Variants in GRIK2 observed in about 807,000 individuals in gnomAD.
GRIK2 encodes the protein glutamate receptor ionotropic, kainate 2.
GRIK2 carries 32 observed loss-of-function variants against 100.3 expected under a neutral mutation model. The ratio of observed to expected loss-of-function variants is 0.32; its 90% CI spans 0.24 to 0.43. The LOEUF (loss-of-function observed/expected upper bound fraction) is 0.43. Ranked by LOEUF, GRIK2 falls within the 20% of genes least tolerant of loss-of-function variation. The pLI, the probability that GRIK2 is intolerant of heterozygous loss-of-function variation, is 1.00. For missense variants in GRIK2, 843 were observed against 1,114.9 expected (o/e 0.76, Z 3.47); for synonymous variants, 417 against 389.4 (o/e 1.07, Z -0.83).
In GRIK2 at chr6:101,830,618, C is replaced by T. The variant is rs115579154; in HGVS notation, c.1317+12135C>T. ...AACAAGCATATGAACAAATGCTCAGCATTACTAATCATCAGAGAAATGCAA... is the reference window on the plus strand; with the variant it reads ...AACAAGCATATGAACAAATGCTCAGTATTACTAATCATCAGAGAAATGCAA... On this transcript the variant is annotated intron_variant, in intron 10 of 16. Transcript: ENST00000369134. Among the ~76,000 whole-genome samples, 404 of 151,720 alleles carry T rather than the reference C, an allele frequency of 2.7e-3. 4 individuals are homozygous for T. The highest frequency in any genetic ancestry group is 9.3e-3 in the African/African-American group (386 of 41,416).
intron 14 of GRIK2, among the ~76,000 whole-genome samples, chr6:102,029,898 G>A (rs1037209782): frequency 9.9e-5 from 15 of 151,040 alleles, no homozygotes; most frequent in African/African-American, 1.5e-4. Flanking sequence ...CAATTCCTGC[G>A]TCTTTCCTGG....
intron 16 of GRIK2, among the ~76,000 whole-genome samples, chr6:102,058,909 G>C (rs1279272434): frequency 6.6e-6 from 1 of 151,228 alleles, no homozygotes; most frequent in Non-Finnish European, 1.5e-5. Context: ...AGCTGAATGT[G>C]AACTTTGTGA....
chr6:101,795,628 C>G (rs550720202), intron 7 of GRIK2, among the ~76,000 whole-genome samples: 1 of 152,200 alleles, frequency 6.6e-6, no homozygotes, highest in Non-Finnish European at 1.5e-5. Context: ...GTGGGACCAC[C>G]CTTGGACTCT....
chr6:101,831,602 A>G (rs961137578), intron 10 of GRIK2, among the ~76,000 whole-genome samples: 4 of 152,102 alleles, frequency 2.6e-5, no homozygotes, highest in African/African-American at 9.7e-5. Context: ...ATAAAATAAT[A>G]CTGTCCTGTC....
chr6:101,572,295 T>C (rs1777576800), intron 2 of GRIK2, among the ~76,000 whole-genome samples: 1 of 152,164 alleles, frequency 6.6e-6, no homozygotes, highest in African/African-American at 2.4e-5. Context: ...TTTATTTTTC[T>C]TATTTTTAAC....
chr6:101,749,881 C>T (rs898186888), intron 7 of GRIK2, among the ~76,000 whole-genome samples: 5 of 142,536 alleles, frequency 3.5e-5, no homozygotes, highest in South Asian at 4.5e-4. Flanking sequence ...GGCTCAATCT[C>T]GGCTCACCTC....
At chr6:101,738,089 A>G (rs1775771635) in intron 7 of GRIK2, among the ~76,000 whole-genome samples, 1 of 152,176 alleles carries the variant, frequency 6.6e-6, no homozygotes, top group African/African-American at 2.4e-5. Context: ...TTGGTATTAA[A>G]CCATTGTGAG....
intron 2 of GRIK2, among the ~76,000 whole-genome samples, chr6:101,586,892 CAAA>C (rs1199378638): frequency 6.1e-4 from 33 of 53,944 alleles, no homozygotes; most frequent in African/African-American, 1.9e-3. Flanking sequence ...TCTGTCTTAA[CAAA>C]AAAAAAAAAA....
At chr6:102,059,903 T>C (rs1291615038) in intron 16 of GRIK2, among the ~76,000 whole-genome samples, 1 of 150,376 alleles carries the variant, frequency 6.6e-6, no homozygotes, top group Non-Finnish European at 1.5e-5. Context: ...TGTCTGGATA[T>C]AAATTATTGA....
At chr6:101,722,364 C>T (rs1309744776) in intron 7 of GRIK2, among the ~76,000 whole-genome samples, 1 of 152,008 alleles carries the variant, frequency 6.6e-6, no homozygotes, top group African/African-American at 2.4e-5. Flanking sequence ...TTGAATTGTA[C>T]TAATTATGAT....
At chr6:101,895,863 T>A (rs1787406343) in intron 12 of GRIK2, among the ~76,000 whole-genome samples, 1 of 151,738 alleles carries the variant, frequency 6.6e-6, no homozygotes. Flanking sequence ...TACTGAAAAT[T>A]TAGTTTTAAA....
At chr6:101,879,829 G>A (rs1306940752) in intron 11 of GRIK2, among the ~76,000 whole-genome samples, 1 of 151,806 alleles carries the variant, frequency 6.6e-6, no homozygotes, top group African/African-American at 2.4e-5. Flanking sequence ...GACCACAGAA[G>A]TTCACTTTCA....
At position 101,682,561 on chromosome 6, in the gene GRIK2, T is replaced by G; in HGVS notation, c.732T>G (p.Ala244=). 1 of 1,321,194 alleles carries G rather than the reference T, an allele frequency of 7.6e-7. No homozygotes were observed. 81.8% of individuals were successfully genotyped at this position (1,321,194 alleles called of 1,614,324 possible). ...TTTTTTTTTTTCCTTAGGCATTAGC[T>G]ATGGGAATGATGACAGAATACTATC... is the stretch of plus-strand genomic sequence containing the variant. ...MAAGILKQAL[A]MGMMTEYYHY... Residue 244 remains alanine (A), a synonymous_variant, in exon 6 of 17, where the codon GCT becomes GCG. Coordinates refer to ENST00000369134, the MANE Select transcript of GRIK2 (RefSeq NM_021956.5).
intron 2 of GRIK2, among the ~76,000 whole-genome samples, chr6:101,612,716 ATGTGTG>A (rs139709674): frequency 0.064 from 9,216 of 143,372 alleles, 350 homozygotes; most frequent in Admixed American, 0.11. Context: ...GTATGTGTTA[ATGTGTG>A]TGTGTGTGTG....
chr6:101,676,108 T>A (rs1770819466), intron 4 of GRIK2, among the ~76,000 whole-genome samples: 1 of 152,186 alleles, frequency 6.6e-6, no homozygotes, highest in Non-Finnish European at 1.5e-5. Context: ...AAAACAATTA[T>A]TAATGTAAAA....
intron 1 of GRIK2, among the ~76,000 whole-genome samples, chr6:101,394,697 A>G (rs1774935512): frequency 6.6e-6 from 1 of 152,248 alleles, no homozygotes; most frequent in Non-Finnish European, 1.5e-5. Context: ...TAGTTACTGA[A>G]ATAAATGCAA....
chr6:102,009,626 T>C (rs1252379344), intron 14 of GRIK2, among the ~76,000 whole-genome samples: 2 of 152,196 alleles, frequency 1.3e-5, no homozygotes, highest in Admixed American at 1.3e-4. Flanking sequence ...TAAAACTTTA[T>C]ATACAAAAAG....
intron 7 of GRIK2, among the ~76,000 whole-genome samples, chr6:101,788,357 C>T (rs1583150160): frequency 1.3e-5 from 2 of 152,034 alleles, no homozygotes; most frequent in African/African-American, 4.8e-5. Context: ...TATCCCTCCC[C>T]CCTGCCCCCA....
chr6:101,516,000 G>A (rs2128279792), intron 2 of GRIK2, among the ~76,000 whole-genome samples: 1 of 152,188 alleles, frequency 6.6e-6, no homozygotes, highest in South Asian at 2.1e-4. Context: ...CTAAGCCAAT[G>A]TCTGCAAGGG....
Sources: allele counts gnomAD v4.1 joint callset (sites outside exome capture counted in the v4.1 genomes callset), GRCh38; gene constraint gnomAD v4.1.1; transcripts MANE v1.5; gene names NCBI Gene and HGNC (gene_info 2026-07-23, HGNC 2026-07-21).